CCSER1: variants seen among roughly 807,000 people sequenced by gnomAD.
The protein encoded by CCSER1 is serine-rich coiled-coil domain-containing protein 1.
In CCSER1, 41 loss-of-function variants were observed where a neutral mutation model predicts 82.0. The observed-to-expected ratio is 0.50, with a 90% CI of 0.39 to 0.65. The LOEUF (loss-of-function observed/expected upper bound fraction) is 0.65. Among genes scored for constraint, CCSER1 ranks in the 30% least tolerant of loss-of-function variants. The pLI is 0.00. For missense variants in CCSER1, 1,119 were observed against 1,064.2 expected, an observed-to-expected ratio of 1.05 and a Z score of -0.72; for synonymous variants, 414 against 383.9, an observed-to-expected ratio of 1.08 and a Z score of -0.92.
rs758872043 is a variant in CCSER1, at chr4:90,308,256, G to T, written c.-29G>T. The T allele has an allele frequency of 2.0e-6, 3 of 1,501,032 alleles. No individual in the cohort carries two copies. The highest frequency in any genetic ancestry group is 2.7e-6 in the Non-Finnish European group (3 of 1,126,252). The allele number at this position is 1,501,032 out of a possible 1,614,324, so 93.0% of individuals were successfully genotyped here. On this transcript the variant is annotated 5_prime_UTR_variant, in exon 2 of 11. Transcript: ENST00000509176. The stretch of plus-strand genomic sequence containing the variant: ...TAACCTTTCTCAGGCTGCAAAGTTG[G>T]CTTTCACAGTGCAAGCCTTTGATTC...
At chr4:90,207,244 A>T (rs1261345684) in intron 1 of CCSER1, among the ~76,000 whole-genome samples, 1 of 151,908 alleles carries the variant, frequency 6.6e-6, no homozygotes, top group Non-Finnish European at 1.5e-5. Flanking sequence ...CATTAAGTTG[A>T]TCTTCAATCT....
chr4:91,089,801 A>C (rs544847094), intron 10 of CCSER1, among the ~76,000 whole-genome samples: 2 of 152,190 alleles, frequency 1.3e-5, no homozygotes, highest in Non-Finnish European at 2.9e-5. Flanking sequence ...TTGCATGGGT[A>C]CATGTGCCAG....
intron 9 of CCSER1, among the ~76,000 whole-genome samples, chr4:90,990,353 T>C (rs905932698): frequency 6.6e-6 from 1 of 151,956 alleles, no homozygotes; most frequent in Non-Finnish European, 1.5e-5. Flanking sequence ...CTTCTTAAAA[T>C]ACGATGTACA....
At chr4:90,828,850 G>C (rs779007582) in intron 8 of CCSER1, among the ~76,000 whole-genome samples, 11 of 151,982 alleles carry the variant, frequency 7.2e-5, no homozygotes, top group Non-Finnish European at 1.6e-4. Context: ...TTTGTTAGGA[G>C]AACTTTTAGA....
At position 91,468,066 on chromosome 4, in the gene CCSER1, A is replaced by G. The variant is rs1757033201; in HGVS notation, c.2218-130506A>G. On this transcript the variant is annotated intron_variant, in intron 10 of 10. Coordinates refer to ENST00000509176, the MANE Select transcript of CCSER1 (RefSeq NM_001145065.2). ...ACACATACACACATATGTTTATTGC[A>G]GCACTATTCACAATAGCAAAGACTT... 2.6e-5 allele frequency among the ~76,000 whole-genome samples: 4 copies of G among 152,160 alleles called. No individual in the cohort carries two copies. The South Asian group carries it at 8.3e-4, about 32-fold the overall frequency.
intron 10 of CCSER1, among the ~76,000 whole-genome samples, chr4:91,101,078 C>T (rs530398493): frequency 3.3e-5 from 5 of 152,272 alleles, no homozygotes; most frequent in Non-Finnish European, 7.4e-5. Flanking sequence ...GGGGAGCCAG[C>T]TTCTGACAGA....
intron 1 of CCSER1, among the ~76,000 whole-genome samples, chr4:90,152,786 G>A (rs1727111308): frequency 6.6e-6 from 1 of 151,980 alleles, no homozygotes; most frequent in African/African-American, 2.4e-5. Flanking sequence ...ATATTCTGTA[G>A]ATGATGGGAG....
At chr4:91,397,442 C>T (rs2149356116) in intron 10 of CCSER1, among the ~76,000 whole-genome samples, 1 of 152,206 alleles carries the variant, frequency 6.6e-6, no homozygotes, top group East Asian at 1.9e-4. Context: ...GCCAAAATCC[C>T]TATGCCTGGG....
intron 7 of CCSER1, among the ~76,000 whole-genome samples, chr4:90,810,506 A>G (rs1156310188): frequency 1.3e-5 from 2 of 151,812 alleles, no homozygotes; most frequent in Non-Finnish European, 2.9e-5. Flanking sequence ...AAAATTAGCC[A>G]GGTGTGGTGG....
At chr4:90,456,318 C>A (rs1373439246) in intron 4 of CCSER1, among the ~76,000 whole-genome samples, 2 of 152,154 alleles carry the variant, frequency 1.3e-5, no homozygotes, top group Non-Finnish European at 1.5e-5. Context: ...ATGACCAAGC[C>A]AAGTGCTTAT....
intron 1 of CCSER1, among the ~76,000 whole-genome samples, chr4:90,202,514 G>T (rs10461168): frequency 0.56 from 84,834 of 152,084 alleles, 24,358 homozygotes; most frequent in African/African-American, 0.69. Flanking sequence ...TAAATAAACT[G>T]TTTAAATTCT....
At chr4:90,460,062 C>T (rs776981219) in intron 4 of CCSER1, among the ~76,000 whole-genome samples, 2 of 146,418 alleles carry the variant, frequency 1.4e-5, no homozygotes, top group African/African-American at 2.8e-5. Context: ...CGCGGTGGCT[C>T]ACGCCTGTAA....
intron 7 of CCSER1, chr4:90,724,536 A>G (rs1743286574): frequency 4.6e-6 from 1 of 218,196 alleles, no homozygotes; most frequent in Non-Finnish European, 9.4e-6. Flanking sequence ...GGGAAGCTAT[A>G]TACATAACAA....
chr4:91,546,339 G>T (rs1051938208), intron 10 of CCSER1, among the ~76,000 whole-genome samples: 1 of 151,936 alleles, frequency 6.6e-6, no homozygotes, highest in African/African-American at 2.4e-5. Context: ...TAGATAATTG[G>T]TATAATTTCT....
chr4:90,230,497 T>G (rs1380152517), intron 1 of CCSER1, among the ~76,000 whole-genome samples: 3 of 151,772 alleles, frequency 2.0e-5, no homozygotes, highest in African/African-American at 7.3e-5. Context: ...TTTATAGCAC[T>G]AAATGCCCAC....
intron 10 of CCSER1, among the ~76,000 whole-genome samples, chr4:91,150,086 T>TG (rs1305089607): frequency 1.3e-5 from 2 of 152,164 alleles, no homozygotes; most frequent in Non-Finnish European, 2.9e-5. Context: ...ACCATTTTCA[T>TG]GATATTGATT....
At chr4:91,217,219 G>A (rs1242288028) in intron 10 of CCSER1, among the ~76,000 whole-genome samples, 1 of 152,170 alleles carries the variant, frequency 6.6e-6, no homozygotes, top group East Asian at 1.9e-4. Context: ...TCCACAGTGT[G>A]GAAAGGGACC....
At chr4:90,937,437 A>T (rs1731078302) in intron 9 of CCSER1, among the ~76,000 whole-genome samples, 1 of 151,838 alleles carries the variant, frequency 6.6e-6, no homozygotes, top group South Asian at 2.1e-4. Flanking sequence ...ATAAAAAATA[A>T]ATGCAAACAC....
chr4:90,304,923 A>G (rs141691288), intron 1 of CCSER1, among the ~76,000 whole-genome samples: 11 of 147,026 alleles, frequency 7.5e-5, no homozygotes, highest in African/African-American at 2.5e-5. Context: ...GGTGTTTTTT[A>G]TTTTTTTTTT....
Sources: gnomAD v4.1 joint callset for allele counts (sites outside exome capture counted in the v4.1 genomes callset) on GRCh38, gnomAD v4.1.1 for gene constraint, MANE v1.5 for transcripts, NCBI Gene and HGNC (gene_info 2026-07-23, HGNC 2026-07-21) for gene names.